The following SMG1 variants were observed in gnomAD, a reference collection of about 807,000 sequenced individuals.
SMG1 encodes serine/threonine-protein kinase SMG1.
A neutral mutation model predicts 419.9 loss-of-function variants in SMG1; 22 were observed. The ratio of observed to expected loss-of-function variants is 0.05; its 90% CI spans 0.04 to 0.07. The LOEUF (loss-of-function observed/expected upper bound fraction) is 0.07, where lower values mean the gene tolerates loss of function less well. Among genes scored for constraint, SMG1 ranks in the 10% least tolerant of loss-of-function variants. The pLI is 1.00. For synonymous variants in SMG1, 1,538 were observed against 1,553.5 expected (o/e 0.99, Z 0.23); for missense variants, 3,185 against 4,342.0 (o/e 0.73, Z 7.49).
intron 1 of SMG1, among the ~76,000 whole-genome samples, chr16:18,898,512 T>A (rs545951726): frequency 6.6e-6 from 1 of 152,276 alleles, no homozygotes; most frequent in South Asian, 2.1e-4. Context: ...GAAAAGACAT[T>A]CCTTATGTAC....
Position 18,809,486 on chromosome 16 carries a change from G to T in SMG1, c.*83C>A. On this transcript the variant is annotated 3_prime_UTR_variant, in exon 63 of 63. Coordinates refer to ENST00000446231, the MANE Select transcript of SMG1 (RefSeq NM_015092.5). ...CCCAGTTGCATCACCACCGACTGTG[G>T]TGTGGCTTTGGATGCCTGAGGCTGA... 9.8e-7 allele frequency: 1 copy of T among 1,023,756 alleles called. No homozygotes were observed. The highest frequency in any genetic ancestry group is 1.5e-6 in the Non-Finnish European group (1 of 662,016). 63.4% of individuals were successfully genotyped at this position (1,023,756 alleles called of 1,614,324 possible).
chr16:18,811,986 C>T lies in SMG1; in HGVS notation c.10763G>A (p.Ser3588Asn). 1 of 1,613,930 alleles carries T rather than the reference C, an allele frequency of 6.2e-7. No homozygotes were observed. Among genetic ancestry groups the T allele is most frequent in the Non-Finnish European group, 8.5e-7 (1 of 1,179,862 alleles). Reference sequence around the variant, plus strand: ...AGGGTCTCTGACTGCCTTTTTAGGACTACAAGCAACACTCTTGCCAGTTCC... The same window carrying T: ...AGGGTCTCTGACTGCCTTTTTAGGATTACAAGCAACACTCTTGCCAGTTCC... ...VPGTGKSVAC[S>N]PKKAVRDPKT... The change falls in exon 61 of 63, where the codon AGT becomes AAT. Residue 3588 changes from serine to asparagine, a missense_variant. By Grantham distance (46) the Ser-to-Asn change is conservative (BLOSUM62 1). Transcript: ENST00000446231.
intron 36 of SMG1, 48 bp downstream of exon 36, chr16:18,849,169 T>C: frequency 7.5e-7 from 1 of 1,340,204 alleles, no homozygotes; most frequent in Non-Finnish European, 9.9e-7. Flanking sequence ...CTAAAATTAT[T>C]GGCACAGTCA....
At chr16:18,854,245 C>A (rs2034773271) in intron 30 of SMG1, among the ~76,000 whole-genome samples, 1 of 151,758 alleles carries the variant, frequency 6.6e-6, no homozygotes, top group African/African-American at 2.4e-5. Flanking sequence ...TTCCACCACA[C>A]CCCCCTAATT....
chr16:18,848,072 T>C, intron 36 of SMG1, 39 bp from the exon 37 acceptor site: 1 of 1,544,908 alleles, frequency 6.5e-7, no homozygotes, highest in South Asian at 1.1e-5. Context: ...TTTTGAACAT[T>C]TCTCCCATGT....
rs1354317382 is a variant in SMG1 at position 18,805,715 on chromosome 16, C to T, written c.*3854G>A. 6.6e-6 allele frequency: 1 copy of T among 152,074 alleles called. No homozygotes were observed. The highest frequency in any genetic ancestry group is 1.5e-5 in the Non-Finnish European group (1 of 68,022). 9.4% of individuals were successfully genotyped at this position (152,074 alleles called of 1,614,324 possible). A position where few individuals can be genotyped will look rare whatever the true frequency, so the allele number is the denominator to read the frequency against. On this transcript the variant is annotated 3_prime_UTR_variant, in exon 63 of 63. Coordinates refer to ENST00000446231, the MANE Select transcript of SMG1 (RefSeq NM_015092.5). ...TGAAAACAAAATCTACCTTCTTTAA[C>T]CCTTGTATTAGTAATTCTACCTCCT...
At chr16:18,883,918 CA>C (rs66595727) in intron 9 of SMG1, among the ~76,000 whole-genome samples, 151 bp downstream of exon 9, 1,091 of 96,820 alleles carry the variant, frequency 0.011, 5 homozygotes, top group East Asian at 0.031. Context: ...GACTCCATCT[CA>C]AAAAAAAAAA....
At chr16:18,916,094 A>AAAAG (rs2037965417) in intron 1 of SMG1, among the ~76,000 whole-genome samples, 4 of 27,440 alleles carry the variant, frequency 1.5e-4, no homozygotes, top group African/African-American at 8.2e-4. Context: ...AAAAAACCAG[A>AAAAG]AAAAAAAAAA....
chr16:18,866,049 G>A (rs1181377961), intron 23 of SMG1: 2 of 155,294 alleles, frequency 1.3e-5, no homozygotes, highest in Non-Finnish European at 2.9e-5. Context: ...TTGGTGAAGA[G>A]TGGAGAAAAC....
chr16:18,877,491 G>A, intron 11 of SMG1: 1 of 328,382 alleles, frequency 3.0e-6, no homozygotes, highest in Non-Finnish European at 5.8e-6. Flanking sequence ...AAGATTTTTA[G>A]GGAAGTGAAA....
At chr16:18,834,047 C>T (rs959760497) in intron 50 of SMG1, among the ~76,000 whole-genome samples, 157 bp downstream of exon 50, 1 of 152,122 alleles carries the variant, frequency 6.6e-6, no homozygotes, top group African/African-American at 2.4e-5. Flanking sequence ...CAACTGTAAC[C>T]AAGTTATAGC....
At chr16:18,852,783 G>C (rs568034983) in intron 31 of SMG1, among the ~76,000 whole-genome samples, 3 of 152,158 alleles carry the variant, frequency 2.0e-5, no homozygotes, top group Non-Finnish European at 4.4e-5. Flanking sequence ...TTATGAATCG[G>C]ACTGGCTATT....
chr16:18,846,672 T>C (rs1269020912), intron 38 of SMG1, among the ~76,000 whole-genome samples: 1 of 152,210 alleles, frequency 6.6e-6, no homozygotes, highest in Non-Finnish European at 1.5e-5. Context: ...CACAGTGAGA[T>C]ACCACTTCGC....
chr16:18,872,877 G>C (rs1225027694), intron 13 of SMG1, among the ~76,000 whole-genome samples: 1 of 152,164 alleles, frequency 6.6e-6, no homozygotes, highest in Non-Finnish European at 1.5e-5. Flanking sequence ...CCACAGGTCA[G>C]GTGTTGTGGC....
rs756567515 is a variant in SMG1 at position 18,815,211 on chromosome 16, T to C, written c.10585A>G (p.Thr3529Ala). 27 of 1,596,208 alleles carry C rather than the reference T, an allele frequency of 1.7e-5. No homozygotes were observed. The highest frequency in any genetic ancestry group is 8.0e-5 in the South Asian group (7 of 87,750). ...GATGGCTGATAAGTAGCAGATGACG[T>C]TGGACTCGAACATTCATTTGTTGCA... ...TDATNECSSP[T>A]SSATYQPSFA... The change falls in exon 60 of 63, where the codon ACG (threonine) becomes GCG (alanine). Residue 3529 changes from threonine (T) to alanine (A), a missense_variant. Around this residue, in one of 27 missense-constraint regions of SMG1, gnomAD observed 737 missense variants for 846.6 expected, o/e 0.87. Transcript: ENST00000446231.
intron 37 of SMG1, 47 bp from the exon 38 acceptor site, chr16:18,847,654 A>G: frequency 6.2e-7 from 1 of 1,610,316 alleles, no homozygotes; most frequent in Non-Finnish European, 8.5e-7. Flanking sequence ...GCCTATGCAC[A>G]GCACAGCTCT....
At chr16:18,846,738 T>A (rs776701985) in intron 38 of SMG1, among the ~76,000 whole-genome samples, 2 of 152,102 alleles carry the variant, frequency 1.3e-5, no homozygotes, top group Non-Finnish European at 2.9e-5. Context: ...TTGCCAAGGA[T>A]TAGGAGAAAC....
chr16:18,923,641 G>GA (rs370845269), intron 1 of SMG1, among the ~76,000 whole-genome samples: 13,148 of 141,142 alleles, frequency 0.093, 711 homozygotes, highest in African/African-American at 0.17. Flanking sequence ...TCTCAGGAAG[G>GA]AAAAAAAAAA....
rs1226018401 is a variant in SMG1, at chr16:18,841,575, T to A, written c.6686A>T (p.Gln2229Leu). Residue 2229 changes from glutamine to leucine, a missense_variant, in exon 41 of 63, where the codon CAA becomes CTA. Gln to Leu is a moderately radical substitution (Grantham distance 113). Transcript: ENST00000446231. ...KRWQQREAAL[Q>L]AQKAQDSYQT... ...GATGATTTAATCAACCTTTTGTGCT[T>A]GTAAGGCAGCTTCCCGTTGTTGCCA... 6.2e-7 allele frequency: 1 copy of A among 1,612,372 alleles called. No homozygotes were observed. Among genetic ancestry groups the A allele is most frequent in the East Asian group, 2.2e-5 (1 of 44,800 alleles).
Sources: gnomAD v4.1 joint callset for allele counts (sites outside exome capture counted in the v4.1 genomes callset) on GRCh38, gnomAD v4.1.1 for gene constraint, gnomAD v4.1.1 regional missense constraint, MANE v1.5 for transcripts, NCBI Gene and HGNC (gene_info 2026-07-23, HGNC 2026-07-21) for gene names.